The following AKAP19 variants were observed in gnomAD, a reference collection of about 807,000 sequenced individuals.
AKAP19 encodes small A-kinase anchoring protein.
the AKAP19 span, among the ~76,000 whole-genome samples, chr2:190,124,136 T>C: frequency 1.3e-5 from 2 of 152,224 alleles, no homozygotes; most frequent in Non-Finnish European, 2.9e-5. Context: ...GGTCTCCAGA[T>C]TGCAGATGGC....
the AKAP19 span, among the ~76,000 whole-genome samples, chr2:190,007,704 T>C: frequency 6.6e-6 from 1 of 152,200 alleles, no homozygotes; most frequent in Non-Finnish European, 1.5e-5. Flanking sequence ...CTTACGCCTG[T>C]AATCCTAGCA....
At chr2:190,025,570 T>G in the AKAP19 span, among the ~76,000 whole-genome samples, 105 of 152,338 alleles carry the variant, frequency 6.9e-4, 1 homozygote, top group Middle Eastern at 0.01. Context: ...ATAAAGCTCT[T>G]TGTAGTCTAA....
chr2:189,981,273 CTTTTTT>C, the AKAP19 span, among the ~76,000 whole-genome samples: 5 of 128,998 alleles, frequency 3.9e-5, no homozygotes, highest in South Asian at 2.5e-4. Flanking sequence ...CCTTCTTTGT[CTTTTTT>C]TTTTTTTTTT....
the AKAP19 span, chr2:190,057,590 T>C: frequency 6.2e-7 from 1 of 1,613,230 alleles, no homozygotes; most frequent in Non-Finnish European, 8.5e-7. Context: ...CCAAAATCCC[T>C]TCTGGATCTT....
chr2:189,880,205 A>T, the AKAP19 span, among the ~76,000 whole-genome samples: 2 of 151,818 alleles, frequency 1.3e-5, no homozygotes, highest in Non-Finnish European at 2.9e-5. Flanking sequence ...TACCTGTTTT[A>T]TTTTCATCTT....
chr2:190,069,790 T>G, the AKAP19 span, among the ~76,000 whole-genome samples: 1 of 152,202 alleles, frequency 6.6e-6, no homozygotes. Context: ...TGATAGGTAC[T>G]ATGCCAGGAA....
the AKAP19 span, among the ~76,000 whole-genome samples, chr2:190,170,699 T>C: frequency 9.1e-4 from 138 of 152,346 alleles, no homozygotes; most frequent in African/African-American, 3.2e-3. Context: ...GAAGCTTTTT[T>C]TTAATGAGAC....
the AKAP19 span, among the ~76,000 whole-genome samples, chr2:190,048,330 T>C: frequency 6.6e-6 from 1 of 152,210 alleles, no homozygotes; most frequent in South Asian, 2.1e-4. Flanking sequence ...TAATTATCTC[T>C]TGAAGCCATT....
chr2:190,175,797 A>G, the AKAP19 span, among the ~76,000 whole-genome samples: 1 of 152,252 alleles, frequency 6.6e-6, no homozygotes, highest in East Asian at 1.9e-4. Context: ...TTAAAATATT[A>G]TAATGGCAAA....
the AKAP19 span, chr2:189,923,635 T>C: frequency 1.2e-6 from 2 of 1,614,138 alleles, no homozygotes; most frequent in East Asian, 4.5e-5. Flanking sequence ...TGAAACGATC[T>C]GCAGCGGAGA....
the AKAP19 span, among the ~76,000 whole-genome samples, chr2:190,119,559 G>A: frequency 1.3e-5 from 2 of 152,214 alleles, no homozygotes; most frequent in African/African-American, 2.4e-5. Flanking sequence ...CGTGAGAATC[G>A]CTATGTTGGG....
At chr2:190,012,212 C>T in the AKAP19 span, among the ~76,000 whole-genome samples, 1 of 152,172 alleles carries the variant, frequency 6.6e-6, no homozygotes, top group Non-Finnish European at 1.5e-5. Context: ...GCAGCCTCTG[C>T]TTCCCAGGCT....
At chr2:190,008,768 A>C in the AKAP19 span, among the ~76,000 whole-genome samples, 98 of 56,766 alleles carry the variant, frequency 1.7e-3, no homozygotes, top group South Asian at 7.3e-3. Flanking sequence ...ACACACACAC[A>C]CACCCACCTG....
the AKAP19 span, among the ~76,000 whole-genome samples, chr2:190,015,135 G>T: frequency 2.4e-4 from 36 of 152,246 alleles, no homozygotes; most frequent in African/African-American, 8.2e-4. Flanking sequence ...ACTAGGCAGG[G>T]CCCCAGTGAG....
chr2:189,881,571 T>C, the AKAP19 span, among the ~76,000 whole-genome samples: 3 of 152,178 alleles, frequency 2.0e-5, no homozygotes, highest in African/African-American at 7.2e-5. Flanking sequence ...GGTATGAAAG[T>C]GGCTTATGTA....
the AKAP19 span, among the ~76,000 whole-genome samples, chr2:190,001,312 T>A: frequency 6.6e-6 from 1 of 152,196 alleles, no homozygotes; most frequent in Non-Finnish European, 1.5e-5. Flanking sequence ...TTAAATACAG[T>A]ATCGGGAGTA....
the AKAP19 span, chr2:190,201,910 T>G: frequency 6.0e-6 from 1 of 167,060 alleles, no homozygotes; most frequent in Non-Finnish European, 1.5e-5. Flanking sequence ...TGGTTGTTTT[T>G]CATTCATTTT....
At chr2:190,070,583 C>T in the AKAP19 span, among the ~76,000 whole-genome samples, 3,501 of 150,490 alleles carry the variant, frequency 0.023, 148 homozygotes, top group East Asian at 0.17. Context: ...TTGAGTTCAG[C>T]GAGTTCAGTG....
At chr2:189,968,455 G>T in the AKAP19 span, among the ~76,000 whole-genome samples, 2 of 152,096 alleles carry the variant, frequency 1.3e-5, no homozygotes, top group Non-Finnish European at 2.9e-5. Context: ...GCCCAGGCTG[G>T]TCTTCACCTC....
Sources: gnomAD v4.1 joint callset for allele counts (sites outside exome capture counted in the v4.1 genomes callset) on GRCh38, gnomAD v4.1.1 for gene constraint, MANE v1.5 for transcripts, NCBI Gene and HGNC (gene_info 2026-07-23, HGNC 2026-07-21) for gene names.